The following INTS9 variants were observed in gnomAD, a reference collection of about 807,000 sequenced individuals.
The protein encoded by INTS9 is protein related to CPSF subunits of 74 kDa.
A neutral mutation model predicts 79.7 loss-of-function variants in INTS9; 55 were observed. That is an observed-to-expected ratio of 0.69 (90% CI 0.56 to 0.86). The LOEUF is 0.86. Ranked by LOEUF, INTS9 falls within the 40% of genes least tolerant of loss-of-function variation. The pLI, the probability that INTS9 is intolerant of heterozygous loss-of-function variation, is 0.00. For synonymous variants in INTS9, 319 were observed against 325.2 expected (o/e 0.98, Z 0.20); for missense variants, 721 against 831.5 (o/e 0.87, Z 1.64).
At chr8:28,842,710 T>C (rs1009773442) in intron 4 of INTS9, among the ~76,000 whole-genome samples, 1 of 152,190 alleles carries the variant, frequency 6.6e-6, no homozygotes, top group Non-Finnish European at 1.5e-5. Flanking sequence ...CTAATTTCCT[T>C]GACTGGTTCT....
intron 12 of INTS9, 61 bp downstream of exon 12, chr8:28,780,762 G>T (rs1585339905): frequency 6.3e-7 from 1 of 1,585,568 alleles, no homozygotes; most frequent in Non-Finnish European, 8.6e-7. Flanking sequence ...TACCTTGTAG[G>T]TGCATTCACT....
rs144597886 is a variant in INTS9 at position 28,821,303 on chromosome 8, T to A, written c.489-7691A>T. On this transcript the variant is annotated intron_variant, in intron 6 of 16. Transcript: ENST00000521022. ...AATCATGGTGGGAGGTGAAAGATAC[T>A]TCTTACATGGCGGTGGCAAGAGAAA... is the stretch of plus-strand genomic sequence containing the variant. Among the ~76,000 whole-genome samples, 266 of 152,296 alleles carry A rather than the reference T, an allele frequency of 1.7e-3. 1 individual carries two copies. Among genetic ancestry groups the A allele is most frequent in the African/African-American group, 6.1e-3 (254 of 41,566 alleles).
intron 6 of INTS9, among the ~76,000 whole-genome samples, chr8:28,820,055 T>A (rs2131094010): frequency 6.6e-6 from 1 of 152,342 alleles, no homozygotes; most frequent in Non-Finnish European, 1.5e-5. Context: ...TCTCTGCACG[T>A]AAGATGGGTT....
chr8:28,875,081 G>A (rs560137458), intron 1 of INTS9, among the ~76,000 whole-genome samples: 23 of 152,256 alleles, frequency 1.5e-4, no homozygotes, highest in African/African-American at 4.8e-4. Flanking sequence ...CATGAGAACA[G>A]CTCAGGAAAG....
intron 6 of INTS9, among the ~76,000 whole-genome samples, chr8:28,823,784 CAAG>C (rs1485571852): frequency 6.6e-6 from 1 of 151,982 alleles, no homozygotes; most frequent in Non-Finnish European, 1.5e-5. Context: ...AAAAGTTGCA[CAAG>C]ATAGAAAAAA....
chr8:28,792,361 T>C (rs1410805885), intron 10 of INTS9, among the ~76,000 whole-genome samples: 1 of 151,756 alleles, frequency 6.6e-6, no homozygotes, highest in Admixed American at 6.6e-5. Flanking sequence ...ACAATAAAAC[T>C]GAAAGAAAGT....
At chr8:28,850,128 C>T in intron 3 of INTS9, 85 bp downstream of exon 3, 1 of 1,002,354 alleles carries the variant, frequency 1.0e-6, no homozygotes, top group Non-Finnish European at 1.5e-6. Context: ...AGCCATCAGT[C>T]ACACTACTAC....
intron 6 of INTS9, among the ~76,000 whole-genome samples, chr8:28,819,760 G>A: frequency 6.6e-6 from 1 of 152,126 alleles, no homozygotes; most frequent in East Asian, 1.9e-4. Flanking sequence ...GGGTGTTAAA[G>A]TCTCCCATTA....
intron 2 of INTS9, among the ~76,000 whole-genome samples, chr8:28,850,706 T>C (rs1011891650): frequency 6.6e-6 from 1 of 152,192 alleles, no homozygotes; most frequent in African/African-American, 2.4e-5. Flanking sequence ...TGCCCTGCTA[T>C]CTTCCCATCA....
chr8:28,855,818 T>C (rs975671322), intron 2 of INTS9, among the ~76,000 whole-genome samples: 2 of 152,224 alleles, frequency 1.3e-5, no homozygotes, highest in African/African-American at 2.4e-5. Context: ...TTTTGTACCA[T>C]GGTTATGTTA....
intron 6 of INTS9, among the ~76,000 whole-genome samples, chr8:28,834,525 G>T (rs1806686540): frequency 6.6e-6 from 1 of 152,080 alleles, no homozygotes; most frequent in African/African-American, 2.4e-5. Context: ...GCCATGCCTG[G>T]ACTTCTCTTC....
intron 8 of INTS9, among the ~76,000 whole-genome samples, chr8:28,797,889 A>G (rs948534297): frequency 5.9e-5 from 9 of 152,236 alleles, no homozygotes; most frequent in Admixed American, 3.9e-4. Context: ...CAAAGTCTCA[A>G]CATCTGCATT....
Position 28,812,846 on chromosome 8 carries a change from G to C in INTS9, c.610-385C>G, listed in dbSNP as rs539056901. Among the ~76,000 whole-genome samples, 5 of 152,306 alleles carry C rather than the reference G, an allele frequency of 3.3e-5. No individual in the cohort carries two copies. In the South Asian group the frequency reaches 1.0e-3, roughly 32 times the overall value. ...AGCCTGAGTAACAAAGTGGGACCTT[G>C]TCTCAGTCAATCAATCAATAAAGTA... On this transcript the variant is annotated intron_variant, in intron 7 of 16. Transcript: ENST00000521022.
chr8:28,787,707 G>T, intron 11 of INTS9, 122 bp downstream of exon 11: 1 of 548,284 alleles, frequency 1.8e-6, no homozygotes. Flanking sequence ...GTCTGACTTG[G>T]GAGGCAAAGG....
rs73554862 is a variant in INTS9 at position 28,877,854 on chromosome 8, G to A, written c.9+12020C>T. Among the ~76,000 whole-genome samples, 776 of 152,162 alleles carry A rather than the reference G, an allele frequency of 5.1e-3. 3 individuals are homozygous for A. Among genetic ancestry groups the A allele is most frequent in the African/African-American group, 0.016 (676 of 41,482 alleles). ...ATAGTTGGGGGAGGGTGTTGGTGGT[G>A]GAACAATATCTTTCAGGCAAATATC... On this transcript the variant is annotated intron_variant, in intron 1 of 16. Transcript: ENST00000521022.
At chr8:28,881,014 GC>G (rs1232144839) in intron 1 of INTS9, among the ~76,000 whole-genome samples, 1 of 151,190 alleles carries the variant, frequency 6.6e-6, no homozygotes, top group Admixed American at 6.6e-5. Flanking sequence ...GAAACCCTCT[GC>G]CTGGCAACCG....
intron 4 of INTS9, among the ~76,000 whole-genome samples, chr8:28,841,450 T>G (rs983918339): frequency 1.3e-5 from 2 of 152,204 alleles, no homozygotes; most frequent in Non-Finnish European, 2.9e-5. Flanking sequence ...AAACTTGAAA[T>G]TTCTCTTTAA....
At chr8:28,868,680 A>G (rs1204949636) in intron 1 of INTS9, among the ~76,000 whole-genome samples, 1 of 152,204 alleles carries the variant, frequency 6.6e-6, no homozygotes, top group Non-Finnish European at 1.5e-5. Context: ...AGATTTAACT[A>G]GATTATTTTA....
intron 8 of INTS9, among the ~76,000 whole-genome samples, chr8:28,802,210 T>C (rs889140612): frequency 5.9e-5 from 9 of 152,150 alleles, no homozygotes; most frequent in Non-Finnish European, 1.2e-4. Context: ...ACCTGATAAA[T>C]AACAATGGGC....
Sources: allele counts gnomAD v4.1 joint callset (sites outside exome capture counted in the v4.1 genomes callset), GRCh38; gene constraint gnomAD v4.1.1; transcripts MANE v1.5; gene names NCBI Gene and HGNC (gene_info 2026-07-23, HGNC 2026-07-21).